NLRP4: variants seen among roughly 807,000 people sequenced by gnomAD.
NLRP4 encodes NLR family pyrin domain containing 4.
In NLRP4, 44 loss-of-function variants were observed where a neutral mutation model predicts 84.7. That is an observed-to-expected ratio of 0.52 (90% CI 0.41 to 0.67). The LOEUF (loss-of-function observed/expected upper bound fraction) is 0.67. Ranked by LOEUF, NLRP4 falls within the 30% of genes least tolerant of loss-of-function variation. The pLI, the probability that NLRP4 is intolerant of heterozygous loss-of-function variation, is 0.00. For synonymous variants in NLRP4, 544 were observed against 476.4 expected, an observed-to-expected ratio of 1.14 and a Z score of -1.85; for missense variants, 1,260 against 1,219.4, an observed-to-expected ratio of 1.03 and a Z score of -0.50.
Position 55,877,024 on chromosome 19 carries a change from G to A in NLRP4, c.2554G>A (p.Gly852Ser). 6.2e-7 allele frequency: 1 copy of A among 1,613,918 alleles called. No homozygotes were observed. Among genetic ancestry groups the A allele is most frequent in the Non-Finnish European group, 8.5e-7 (1 of 1,179,882 alleles). Reference protein sequence around the residue: ...CLVKCFITAAGCEDLASALIS... With the variant: ...CLVKCFITAASCEDLASALIS... ...GGTAAAATGTTTTATCACTGCTGCT[G>A]GCTGTGAAGACCTCGCCTCTGCTCT... The change falls in exon 8 of 10, where the codon GGC becomes AGC. Residue 852 changes from glycine (G) to serine (S), a missense_variant. Coordinates refer to ENST00000301295, the MANE Select transcript of NLRP4 (RefSeq NM_134444.5).
At chr19:55,872,289 T>C (rs903105032) in intron 7 of NLRP4, among the ~76,000 whole-genome samples, 3 of 152,152 alleles carry the variant, frequency 2.0e-5, no homozygotes, top group Admixed American at 2.0e-4. Context: ...GCAAATTGTC[T>C]CAGGAGGTAG....
rs1270073427 is a variant in NLRP4 at position 55,861,437 on chromosome 19, C to T, written c.1908C>T (p.Thr636=). The T allele has an allele frequency of 2.5e-6, 4 of 1,613,940 alleles. No homozygotes were observed. The African/African-American group carries it at 5.3e-5, about 22-fold the overall frequency. ...CWHHICSVLT[T]SGHLRELQVQ... is the part of the protein sequence containing the mutation. ...ATCACATCTGCTCTGTGCTCACCAC[C>T]AGCGGGCACCTCAGAGAGCTCCAGG... The change falls in exon 4 of 10, where the codon ACC becomes ACT. Residue 636 remains threonine (T), a synonymous_variant. Coordinates refer to ENST00000301295, the MANE Select transcript of NLRP4 (RefSeq NM_134444.5).
rs1379338785 is a variant in NLRP4 at position 55,860,621 on chromosome 19, C to A, written c.1857-765C>A. Among the ~76,000 whole-genome samples the A allele has an allele frequency of 2.0e-5, 3 of 152,056 alleles. No individual in the cohort carries two copies. The East Asian group carries it at 5.8e-4, about 29-fold the overall frequency. Reference sequence around the variant, plus strand: ...AATCATATGAGGTGGATCCTATTATCCTGTTACAGGTGAGGAAACTGGGGC... The same window carrying A: ...AATCATATGAGGTGGATCCTATTATACTGTTACAGGTGAGGAAACTGGGGC... On this transcript the variant is annotated intron_variant, in intron 3 of 9. Coordinates refer to ENST00000301295, the MANE Select transcript of NLRP4 (RefSeq NM_134444.5).
chr19:55,874,453 A>G (rs76061598), intron 7 of NLRP4, among the ~76,000 whole-genome samples: 111 of 152,314 alleles, frequency 7.3e-4, no homozygotes, highest in African/African-American at 2.5e-3. Context: ...AGAATGGGAA[A>G]AGAAACATTA....
At chr19:55,845,295 C>T (rs1403357309) in intron 1 of NLRP4, among the ~76,000 whole-genome samples, 1 of 150,690 alleles carries the variant, frequency 6.6e-6, no homozygotes, top group East Asian at 2.0e-4. Flanking sequence ...TTTGTCCTTG[C>T]AATAGTTTGC....
rs5028351 is a variant in NLRP4, at chr19:55,849,956, T to A, written c.-65-2060T>A. Among the ~76,000 whole-genome samples, 162 of 108,606 alleles carry A rather than the reference T, an allele frequency of 1.5e-3. 2 individuals carry two copies. The highest frequency in any genetic ancestry group is 5.2e-3 in the Middle Eastern group (1 of 194). 71.2% of individuals were successfully genotyped at this position (108,606 alleles called of 152,430 possible). A position where few individuals can be genotyped will look rare whatever the true frequency, so the allele number is the denominator to read the frequency against. On this transcript the variant is annotated intron_variant, in intron 1 of 9. Transcript: ENST00000301295. ...GTAGCCGCGGTGTAATTTCCGAGAC[T>A]GCGGTGTAATTTCCGTAGCTGCGGT... is the stretch of plus-strand genomic sequence containing the variant.
At chr19:55,846,679 G>A (rs1163596761) in intron 1 of NLRP4, among the ~76,000 whole-genome samples, 1 of 152,106 alleles carries the variant, frequency 6.6e-6, no homozygotes, top group Non-Finnish European at 1.5e-5. Flanking sequence ...AGTGTGTCTA[G>A]GGAAGGACCT....
chr19:55,877,197 T>C, intron 8 of NLRP4, 31 bp downstream of exon 8: 1 of 1,598,984 alleles, frequency 6.3e-7, no homozygotes, highest in South Asian at 1.1e-5. Context: ...GGTTATGTTT[T>C]CATGAGTGGC....
At chr19:55,861,929 A>G (rs1455882407) in intron 4 of NLRP4, 63 bp from the exon 5 acceptor site, 1 of 1,072,458 alleles carries the variant, frequency 9.3e-7, no homozygotes, top group African/African-American at 1.5e-5. Context: ...AGAGACAAAC[A>G]CAGGTGTGCA....
At chr19:55,853,970 CTTCT>C (rs1984308872) in intron 2 of NLRP4, among the ~76,000 whole-genome samples, 1 of 120,968 alleles carries the variant, frequency 8.3e-6, no homozygotes, top group Non-Finnish European at 1.6e-5. Context: ...TCTCTCTTTC[CTTCT>C]TTCTTTCTTC....
chr19:55,865,701 A>G (rs1415527690), intron 5 of NLRP4, among the ~76,000 whole-genome samples: 1 of 152,074 alleles, frequency 6.6e-6, no homozygotes, highest in Non-Finnish European at 1.5e-5. Flanking sequence ...TTTGATATGC[A>G]TTTTTCTAAT....
chr19:55,845,495 A>G (rs1265290762), intron 1 of NLRP4, among the ~76,000 whole-genome samples: 1 of 152,134 alleles, frequency 6.6e-6, no homozygotes, highest in Admixed American at 6.5e-5. Flanking sequence ...ATACGTGTGC[A>G]TGTGTCTTTA....
intron 3 of NLRP4, among the ~76,000 whole-genome samples, chr19:55,859,974 T>TTTC (rs1984677432): frequency 1.4e-5 from 2 of 145,752 alleles, no homozygotes; most frequent in Admixed American, 1.4e-4. Flanking sequence ...TCATACAAAT[T>TTTC]TTCTTCTTGT....
At chr19:55,880,943 T>C (rs1985562403) in intron 9 of NLRP4, among the ~76,000 whole-genome samples, 1 of 152,204 alleles carries the variant, frequency 6.6e-6, no homozygotes, top group African/African-American at 2.4e-5. Flanking sequence ...GCCCAGGTAC[T>C]CGGATAATGG....
chr19:55,853,472 A>C (rs953717463), intron 2 of NLRP4, among the ~76,000 whole-genome samples: 1 of 152,198 alleles, frequency 6.6e-6, no homozygotes, highest in African/African-American at 2.4e-5. Context: ...GGCTCACTGC[A>C]GCCTCAACTT....
At chr19:55,877,201 G>A (rs373418561) in intron 8 of NLRP4, 35 bp downstream of exon 8, 8 of 1,588,872 alleles carry the variant, frequency 5.0e-6, no homozygotes, top group Non-Finnish European at 6.0e-6. Context: ...ATGTTTTCAT[G>A]AGTGGCAAAG....
chr19:55,839,479 T>TAA (rs56042909), intron 1 of NLRP4, among the ~76,000 whole-genome samples: 10,793 of 135,424 alleles, frequency 0.08, 430 homozygotes, highest in Non-Finnish European at 0.097. Flanking sequence ...GGGGAAGAGT[T>TAA]AAAAAAAAAA....
intron 6 of NLRP4, among the ~76,000 whole-genome samples, chr19:55,868,213 C>T (rs111285855): frequency 5.3e-5 from 8 of 152,112 alleles, no homozygotes; most frequent in Non-Finnish European, 8.8e-5. Flanking sequence ...GTGTTGATAA[C>T]GGTTATTTCG....
At chr19:55,847,882 T>C (rs941251981) in intron 1 of NLRP4, among the ~76,000 whole-genome samples, 2 of 152,082 alleles carry the variant, frequency 1.3e-5, no homozygotes, top group African/African-American at 2.4e-5. Flanking sequence ...GCCCGGCTAA[T>C]TTTTTAATAT....
Sources: allele counts gnomAD v4.1 joint callset (sites outside exome capture counted in the v4.1 genomes callset), GRCh38; gene constraint gnomAD v4.1.1; transcripts MANE v1.5; gene names NCBI Gene and HGNC (gene_info 2026-07-23, HGNC 2026-07-21).